NTM: variants seen among roughly 807,000 people sequenced by gnomAD.
NTM encodes neurotrimin.
NTM carries 13 observed loss-of-function variants against 42.1 expected under a neutral mutation model. The ratio of observed to expected loss-of-function variants is 0.31; its 90% CI spans 0.20 to 0.49. NTM has a LOEUF of 0.49. Ranked by LOEUF, NTM falls within the 20% of genes least tolerant of loss-of-function variation. NTM has a pLI of 0.99. For synonymous variants in NTM, 187 were observed against 179.2 expected, an observed-to-expected ratio of 1.04 and a Z score of -0.35; for missense variants, 373 against 452.8, an observed-to-expected ratio of 0.82 and a Z score of 1.60.
At chr11:132,215,009 G>A (rs1245350577) in intron 4 of NTM, among the ~76,000 whole-genome samples, 1 of 152,188 alleles carries the variant, frequency 6.6e-6, no homozygotes, top group Admixed American at 6.5e-5. Context: ...ATGTCACTTG[G>A]CTGCTGCCCA....
intron 2 of NTM, among the ~76,000 whole-genome samples, chr11:131,936,078 A>G (rs1286629982): frequency 6.6e-6 from 1 of 152,156 alleles, no homozygotes; most frequent in African/African-American, 2.4e-5. Context: ...CAATATAAAA[A>G]TTGGTGTTGA....
chr11:131,724,255 C>T (rs1347069699), intron 1 of NTM, among the ~76,000 whole-genome samples: 3 of 152,108 alleles, frequency 2.0e-5, no homozygotes, highest in African/African-American at 7.2e-5. Context: ...TAGCTGGAGG[C>T]TTCTCTCTTT....
chr11:131,418,217 T>C (rs1947146590), intron 1 of NTM, among the ~76,000 whole-genome samples: 1 of 152,224 alleles, frequency 6.6e-6, no homozygotes, highest in African/African-American at 2.4e-5. Flanking sequence ...AAAGCAATTT[T>C]GAATGGGATT....
chr11:131,881,398 G>A lies in NTM; in HGVS notation c.83-30166G>A, dbSNP rs139253166. Among the ~76,000 whole-genome samples, 437 of 151,698 alleles carry A rather than the reference G, an allele frequency of 2.9e-3. 2 individuals are homozygous for A. Among genetic ancestry groups the A allele is most frequent in the African/African-American group, 9.9e-3 (411 of 41,314 alleles). On this transcript the variant is annotated intron_variant, in intron 1 of 8. Transcript: ENST00000683400. The stretch of plus-strand genomic sequence containing the variant: ...CCGGATTGGTCAGTTTTTAATGATC[G>A]GGGTCATTGACTTGACCCTACAGAA...
chr11:132,276,817 G>A (rs577462607), intron 4 of NTM, among the ~76,000 whole-genome samples: 10 of 152,204 alleles, frequency 6.6e-5, no homozygotes, highest in South Asian at 6.2e-4. Context: ...TATCCCTTAC[G>A]ATTCAGCAGT....
intron 1 of NTM, among the ~76,000 whole-genome samples, chr11:131,416,666 G>A (rs1449848556): frequency 6.6e-6 from 1 of 152,178 alleles, no homozygotes; most frequent in Non-Finnish European, 1.5e-5. Context: ...CTTGGGTGAG[G>A]CAAAGAAAGG....
At chr11:131,603,961 C>T (rs1263060565) in intron 1 of NTM, among the ~76,000 whole-genome samples, 1 of 152,028 alleles carries the variant, frequency 6.6e-6, no homozygotes, top group African/African-American at 2.4e-5. Context: ...ATTGTTTTTA[C>T]TTTTTACCTG....
intron 2 of NTM, among the ~76,000 whole-genome samples, chr11:132,022,329 C>A (rs2135536076): frequency 6.6e-6 from 1 of 152,348 alleles, no homozygotes; most frequent in Non-Finnish European, 1.5e-5. Context: ...TTTTCTTGGA[C>A]AGAATATTTG....
intron 1 of NTM, among the ~76,000 whole-genome samples, chr11:131,746,135 A>G (rs1427312176): frequency 6.6e-6 from 1 of 152,012 alleles, no homozygotes; most frequent in Non-Finnish European, 1.5e-5. Context: ...TCCTACTGCC[A>G]TGGATATAAT....
chr11:132,051,485 A>G (rs557663013), intron 2 of NTM, among the ~76,000 whole-genome samples: 1 of 152,322 alleles, frequency 6.6e-6, no homozygotes, highest in Non-Finnish European at 1.5e-5. Context: ...AAGTGTCTAC[A>G]GTGACCAGGA....
intron 1 of NTM, among the ~76,000 whole-genome samples, chr11:131,580,135 C>T (rs1192279355): frequency 2.6e-5 from 4 of 152,100 alleles, no homozygotes; most frequent in African/African-American, 7.2e-5. Context: ...GCTCATCGGC[C>T]GCCATCTGTC....
intron 1 of NTM, among the ~76,000 whole-genome samples, chr11:131,791,917 A>C (rs2090992729): frequency 6.6e-6 from 1 of 152,210 alleles, no homozygotes; most frequent in South Asian, 2.1e-4. Context: ...TAGAAACAGC[A>C]GTGTCTATCC....
At chr11:131,880,615 T>C (rs1210540729) in intron 1 of NTM, among the ~76,000 whole-genome samples, 1 of 152,172 alleles carries the variant, frequency 6.6e-6, no homozygotes, top group African/African-American at 2.4e-5. Flanking sequence ...TTGGAAAGAA[T>C]TCCTGCTCGA....
chr11:132,184,379 G>A (rs565111080), intron 3 of NTM, among the ~76,000 whole-genome samples: 1 of 152,270 alleles, frequency 6.6e-6, no homozygotes, highest in East Asian at 1.9e-4. Context: ...ACAGCTGTGG[G>A]GGGCAGTGCA....
At chr11:132,048,754 G>A (rs1293098334) in intron 2 of NTM, among the ~76,000 whole-genome samples, 1 of 151,010 alleles carries the variant, frequency 6.6e-6, no homozygotes, top group South Asian at 2.1e-4. Context: ...CAGCAATATC[G>A]ACAACAAGAA....
intron 1 of NTM, among the ~76,000 whole-genome samples, chr11:131,554,291 A>C (rs1320027640): frequency 6.6e-6 from 1 of 152,226 alleles, no homozygotes; most frequent in Non-Finnish European, 1.5e-5. Context: ...AACAAGCTGA[A>C]TGAAGACTAA....
chr11:131,869,984 A>G (rs1305600530), intron 1 of NTM, among the ~76,000 whole-genome samples: 3 of 152,248 alleles, frequency 2.0e-5, no homozygotes, highest in Non-Finnish European at 4.4e-5. Flanking sequence ...CCTCAGCTGT[A>G]CAGAGCAGAC....
intron 1 of NTM, among the ~76,000 whole-genome samples, chr11:131,641,101 G>A (rs938665146): frequency 6.6e-5 from 10 of 152,128 alleles, no homozygotes; most frequent in Non-Finnish European, 8.8e-5. Context: ...AATGGCTGTC[G>A]ACACTGACAC....
rs1411850388 is a variant in NTM, at chr11:131,598,710, TCTTTCTTTCTTTCTTTCTTTC to T, written c.82+227823_82+227843del. 7.2e-4 allele frequency among the ~76,000 whole-genome samples: 60 copies of T among 83,310 alleles called. 2 individuals are homozygous for T. Among genetic ancestry groups the T allele is most frequent in the African/African-American group, 2.3e-3 (55 of 24,042 alleles). The allele number at this position is 83,310 out of a possible 152,430, so 54.7% of individuals were successfully genotyped here. On this transcript the variant is annotated intron_variant, in intron 1 of 8. Transcript: ENST00000683400. Reference sequence around the variant, plus strand: ...TTCTTTCTTTCTTTCTTTCTTTCTTTCTTTCTTTCTTTCTTTCTTTCTTTCTTTCTTTCTTTCTTTCTTTCT... The same window carrying T: ...TTCTTTCTTTCTTTCTTTCTTTCTTTTTTCTTTCTTTCTTTCTTTCTTTCT...
Sources: allele counts gnomAD v4.1 joint callset (sites outside exome capture counted in the v4.1 genomes callset), GRCh38; gene constraint gnomAD v4.1.1; transcripts MANE v1.5; gene names NCBI Gene and HGNC (gene_info 2026-07-23, HGNC 2026-07-21).